OXSR1: variants seen among roughly 807,000 people sequenced by gnomAD.
OXSR1 encodes serine/threonine-protein kinase OSR1.
Under a neutral mutation model 79.8 loss-of-function variants are expected in OXSR1, and 24 were observed. The ratio of observed to expected loss-of-function variants is 0.30; its 90% CI spans 0.22 to 0.42. The LOEUF is 0.42. Ranked by LOEUF, OXSR1 falls within the 10% of genes least tolerant of loss-of-function variation. The probability of loss-of-function intolerance (pLI) is 1.00; values close to 1 mark genes in which losing one functional copy is unlikely to be tolerated. For missense variants in OXSR1, 430 were observed against 618.4 expected, an observed-to-expected ratio of 0.70 and a Z score of 3.23; for synonymous variants, 226 against 209.2, an observed-to-expected ratio of 1.08 and a Z score of -0.69.
chr3:38,249,828 A>T, intron 14 of OXSR1, 138 bp from the exon 15 acceptor site: 1 of 642,344 alleles, frequency 1.6e-6, no homozygotes, highest in Non-Finnish European at 2.8e-6. Flanking sequence ...CTGCAGTGTG[A>T]ACATATCTGA....
At chr3:38,219,181 A>G (rs189093465) in intron 5 of OXSR1, among the ~76,000 whole-genome samples, 2 of 152,286 alleles carry the variant, frequency 1.3e-5, no homozygotes, top group Admixed American at 6.5e-5. Context: ...TATCACTTAC[A>G]TTCCTTAGCT....
chr3:38,238,383 T>C (rs1245402105), intron 11 of OXSR1, among the ~76,000 whole-genome samples: 1 of 152,146 alleles, frequency 6.6e-6, no homozygotes, highest in Non-Finnish European at 1.5e-5. Flanking sequence ...TATTTTTATT[T>C]TCATAGATTC....
chr3:38,221,593 CT>C lies in OXSR1; in HGVS notation c.512del (p.Leu171Ter). 2 of 1,609,998 alleles carry C rather than the reference CT, an allele frequency of 1.2e-6. No individual in the cohort carries two copies. The highest frequency in any genetic ancestry group is 1.7e-6 in the Non-Finnish European group (2 of 1,176,634). On this transcript the variant is annotated frameshift_variant, in exon 6 of 18. Coordinates refer to ENST00000311806, the MANE Select transcript of OXSR1 (RefSeq NM_005109.3). LOFTEE classifies it high-confidence loss of function. ...SVQIADFGVS[A>X]FLATGGDITR... ...TCTATTTCAGACTTTGGGGTTAGTG[CT>C]TTTTTAGCAACTGGTGGTGATATTA...
chr3:38,224,787 A>G, intron 8 of OXSR1, 83 bp downstream of exon 8: 3 of 916,198 alleles, frequency 3.3e-6, no homozygotes, highest in Non-Finnish European at 3.2e-6. Flanking sequence ...ATGTACAGGA[A>G]ATTATTTTCA....
intron 7 of OXSR1, 47 bp from the exon 8 acceptor site, chr3:38,224,524 C>T: frequency 1.3e-6 from 2 of 1,498,630 alleles, no homozygotes; most frequent in Non-Finnish European, 1.8e-6. Flanking sequence ...AATAGTTAAA[C>T]TTTACTGAGT....
intron 3 of OXSR1, among the ~76,000 whole-genome samples, chr3:38,192,861 T>C (rs1702008074): frequency 6.6e-6 from 1 of 152,306 alleles, no homozygotes; most frequent in Admixed American, 6.5e-5. Flanking sequence ...CTTGCATGTG[T>C]ATTTTGTGGG....
chr3:38,245,180 T>C (rs1703115260), intron 12 of OXSR1, among the ~76,000 whole-genome samples: 1 of 152,180 alleles, frequency 6.6e-6, no homozygotes, highest in Admixed American at 6.5e-5. Flanking sequence ...TTATGTAATA[T>C]CACCTATTCA....
chr3:38,237,198 A>G (rs954781302), intron 11 of OXSR1, among the ~76,000 whole-genome samples: 2 of 152,198 alleles, frequency 1.3e-5, no homozygotes, highest in African/African-American at 4.8e-5. Flanking sequence ...AAAGCTGCAA[A>G]TGTCTGAGAT....
intron 2 of OXSR1, among the ~76,000 whole-genome samples, chr3:38,189,214 A>G (rs1701939671): frequency 6.6e-6 from 1 of 152,086 alleles, no homozygotes; most frequent in Non-Finnish European, 1.5e-5. Context: ...TCTTTCCTAT[A>G]GATTCTTATA....
At chr3:38,252,084 CT>C (rs1703269575) in intron 16 of OXSR1, among the ~76,000 whole-genome samples, 1 of 152,144 alleles carries the variant, frequency 6.6e-6, no homozygotes, top group South Asian at 2.1e-4. Flanking sequence ...CCTCTTTTAC[CT>C]GCATGTTTTT....
intron 1 of OXSR1, among the ~76,000 whole-genome samples, chr3:38,176,770 G>A (rs1235007920): frequency 1.3e-5 from 2 of 152,308 alleles, no homozygotes; most frequent in East Asian, 3.9e-4. Context: ...AGATACTTTA[G>A]TATCTAAACA....
At chr3:38,193,252 A>G (rs1458757096) in intron 3 of OXSR1, 1 of 1,288,796 alleles carries the variant, frequency 7.8e-7, no homozygotes, top group East Asian at 5.5e-5. Flanking sequence ...CAGTGTAGCC[A>G]GAATCACCTT....
At chr3:38,186,119 A>T (rs1006117364) in intron 2 of OXSR1, among the ~76,000 whole-genome samples, 1 of 152,118 alleles carries the variant, frequency 6.6e-6, no homozygotes, top group Non-Finnish European at 1.5e-5. Flanking sequence ...GGGGTTTAAA[A>T]TCAGGAAAGA....
chr3:38,245,941 G>A (rs926562466), intron 12 of OXSR1, 134 bp from the exon 13 acceptor site: 5 of 698,800 alleles, frequency 7.2e-6, no homozygotes, highest in African/African-American at 5.3e-5. Context: ...AGATATATTC[G>A]GAGTAGACAC....
intron 1 of OXSR1, among the ~76,000 whole-genome samples, chr3:38,171,997 A>G (rs1452626349): frequency 1.3e-5 from 2 of 152,156 alleles, no homozygotes; most frequent in East Asian, 3.8e-4. Flanking sequence ...TAGTGGGGAG[A>G]ATAGTACCTA....
In OXSR1 at chr3:38,246,115, T is replaced by C. The variant is rs1575375481; in HGVS notation, c.1151T>C (p.Val384Ala). The change falls in exon 13 of 18, where the codon GTT becomes GCT. Residue 384 changes from valine to alanine, a missense_variant. Val to Ala is a moderately conservative substitution (Grantham distance 64, BLOSUM62 0). This residue lies in a region of OXSR1 where 276 missense variants were observed against 354.2 expected (regional missense o/e 0.78). Transcript: ENST00000311806. ...TTDPVGTLLQVPEQISAHLPQ... is the reference protein window; with the variant it reads ...TTDPVGTLLQAPEQISAHLPQ... ...GATCCTGTGGGTACTTTGCTCCAAG[T>C]TCCAGAACAGATCTCTGCTCATCTA... The C allele has an allele frequency of 6.2e-7, 1 of 1,613,830 alleles. No individual in the cohort carries two copies.
chr3:38,176,366 CTTTTA>C (rs1701676485), intron 1 of OXSR1, among the ~76,000 whole-genome samples: 1 of 152,076 alleles, frequency 6.6e-6, no homozygotes, highest in Admixed American at 6.5e-5. Context: ...TATGATAAAA[CTTTTA>C]GATATTCTTC....
chr3:38,171,385 A>T (rs1352943684), intron 1 of OXSR1, among the ~76,000 whole-genome samples: 1 of 152,240 alleles, frequency 6.6e-6, no homozygotes, highest in Non-Finnish European at 1.5e-5. Flanking sequence ...TAAAATCTAG[A>T]AAAAAGGGTT....
At chr3:38,220,864 G>A (rs546880259) in intron 5 of OXSR1, among the ~76,000 whole-genome samples, 2 of 152,150 alleles carry the variant, frequency 1.3e-5, no homozygotes, top group African/African-American at 2.4e-5. Flanking sequence ...TACAGAAAAG[G>A]GGGGATCATG....
Sources: allele counts gnomAD v4.1 joint callset (sites outside exome capture counted in the v4.1 genomes callset), GRCh38; gene constraint gnomAD v4.1.1; regional missense constraint gnomAD v4.1.1; transcripts MANE v1.5; gene names NCBI Gene and HGNC (gene_info 2026-07-23, HGNC 2026-07-21).